Variants in CADPS2 observed in about 807,000 individuals in gnomAD.
The protein encoded by CADPS2 is calcium dependent secretion activator 2.
CADPS2 carries 93 observed loss-of-function variants against 172.5 expected under a neutral mutation model. The ratio of observed to expected loss-of-function variants is 0.54; its 90% CI spans 0.46 to 0.64. The LOEUF is 0.64. Ranked by LOEUF, CADPS2 falls within the 30% of genes least tolerant of loss-of-function variation. The probability of loss-of-function intolerance (pLI) is 0.00; values close to 1 mark genes in which losing one functional copy is unlikely to be tolerated. For missense variants in CADPS2, 1,420 were observed against 1,565.9 expected (o/e 0.91, Z 1.57); for synonymous variants, 546 against 555.2 (o/e 0.98, Z 0.23).
At chr7:122,451,794 CAACT>C (rs2152041677) in intron 14 of CADPS2, among the ~76,000 whole-genome samples, 1 of 152,150 alleles carries the variant, frequency 6.6e-6, no homozygotes, top group African/African-American at 2.4e-5. Context: ...AACATTTGAC[CAACT>C]AAGTGAAATC....
chr7:122,824,854 G>T (rs1804428854), intron 1 of CADPS2, among the ~76,000 whole-genome samples: 1 of 152,156 alleles, frequency 6.6e-6, no homozygotes, highest in African/African-American at 2.4e-5. Context: ...TATATCATGT[G>T]AGGAACACAT....
intron 14 of CADPS2, among the ~76,000 whole-genome samples, chr7:122,456,335 A>C (rs2053774321): frequency 6.6e-6 from 1 of 152,058 alleles, no homozygotes; most frequent in Non-Finnish European, 1.5e-5. Context: ...ACTTAACTCT[A>C]TGACGATAAT....
chr7:122,856,469 A>G (rs1815261322), intron 1 of CADPS2, among the ~76,000 whole-genome samples: 1 of 151,644 alleles, frequency 6.6e-6, no homozygotes, highest in South Asian at 2.1e-4. Flanking sequence ...CACCTCATTC[A>G]TGCTGTAGTT....
intron 10 of CADPS2, 100 bp downstream of exon 10, chr7:122,491,212 A>G: frequency 1.6e-6 from 1 of 632,320 alleles, no homozygotes; most frequent in Non-Finnish European, 2.6e-6. Flanking sequence ...TATGCACCCT[A>G]TTCATCGAGA....
intron 2 of CADPS2, among the ~76,000 whole-genome samples, chr7:122,704,857 C>A (rs1344456650): frequency 6.6e-6 from 1 of 152,054 alleles, no homozygotes; most frequent in Non-Finnish European, 1.5e-5. Context: ...TTAGAGAGTG[C>A]TACCAGCATC....
intron 6 of CADPS2, among the ~76,000 whole-genome samples, chr7:122,594,498 G>C (rs1447520019): frequency 6.6e-6 from 1 of 151,898 alleles, no homozygotes; most frequent in Admixed American, 6.6e-5. Context: ...AAGGCCTCCA[G>C]AATAATAGGA....
chr7:122,695,388 T>C (rs2084939749), intron 2 of CADPS2, among the ~76,000 whole-genome samples: 1 of 152,154 alleles, frequency 6.6e-6, no homozygotes, highest in South Asian at 2.1e-4. Context: ...CAAGAGAAAA[T>C]GGTATATAGC....
intron 7 of CADPS2, among the ~76,000 whole-genome samples, chr7:122,567,351 T>A (rs528099116): frequency 6.6e-6 from 1 of 152,142 alleles, no homozygotes; most frequent in African/African-American, 2.4e-5. Flanking sequence ...TTAATTTATA[T>A]GAAAAAAGGC....
intron 1 of CADPS2, among the ~76,000 whole-genome samples, chr7:122,771,278 T>G (rs1215318331): frequency 6.6e-6 from 1 of 152,156 alleles, no homozygotes; most frequent in African/African-American, 2.4e-5. Context: ...TGTAAAAGGA[T>G]TAGACTAATC....
At chr7:122,646,756 T>C (rs2078604908) in intron 3 of CADPS2, among the ~76,000 whole-genome samples, 1 of 152,088 alleles carries the variant, frequency 6.6e-6, no homozygotes, top group African/African-American at 2.4e-5. Flanking sequence ...TCAGTCATGA[T>C]GAGATCAGGA....
chr7:122,512,891 C>T (rs1450283541), intron 9 of CADPS2, among the ~76,000 whole-genome samples: 1 of 152,080 alleles, frequency 6.6e-6, no homozygotes, highest in Non-Finnish European at 1.5e-5. Flanking sequence ...CTTTTTCACA[C>T]TTTTTCTCCC....
intron 2 of CADPS2, among the ~76,000 whole-genome samples, chr7:122,690,737 A>G (rs1233821741): frequency 6.6e-6 from 1 of 152,066 alleles, no homozygotes; most frequent in Non-Finnish European, 1.5e-5. Flanking sequence ...GCCTCAATAA[A>G]CTGCCCAGCT....
At chr7:122,382,614 C>A (rs2043158015) in intron 24 of CADPS2, among the ~76,000 whole-genome samples, 1 of 151,822 alleles carries the variant, frequency 6.6e-6, no homozygotes, top group African/African-American at 2.4e-5. Flanking sequence ...GTATAACAGA[C>A]AACATTTTTG....
At chr7:122,539,435 T>C (rs2062673329) in intron 8 of CADPS2, among the ~76,000 whole-genome samples, 1 of 152,084 alleles carries the variant, frequency 6.6e-6, no homozygotes, top group South Asian at 2.1e-4. Flanking sequence ...GGTATTCCAT[T>C]AGAGCAACAC....
chr7:122,881,458 T>C (rs1039453606), intron 1 of CADPS2, among the ~76,000 whole-genome samples: 1 of 152,148 alleles, frequency 6.6e-6, no homozygotes, highest in African/African-American at 2.4e-5. Context: ...CTGTTTTAAG[T>C]CCAGTGTGAG....
chr7:122,617,437 C>T (rs545931554), intron 5 of CADPS2, among the ~76,000 whole-genome samples: 6 of 152,258 alleles, frequency 3.9e-5, no homozygotes, highest in South Asian at 2.1e-4. Context: ...GCAAAACTTG[C>T]TAATGGACCT....
chr7:122,637,182 T>C (rs927227496), intron 3 of CADPS2, among the ~76,000 whole-genome samples: 9 of 23,446 alleles, frequency 3.8e-4, no homozygotes, highest in African/African-American at 1.2e-3. Context: ...TTTTTTTTTT[T>C]TTTTTTTTTT....
intron 1 of CADPS2, among the ~76,000 whole-genome samples, chr7:122,773,163 T>C (rs1300286176): frequency 6.6e-6 from 1 of 152,006 alleles, no homozygotes; most frequent in Middle Eastern, 3.2e-3. Flanking sequence ...TTTGTATTGA[T>C]TAAATGAACA....
chr7:122,364,139 G>A (rs2040542570), intron 25 of CADPS2, among the ~76,000 whole-genome samples: 1 of 152,102 alleles, frequency 6.6e-6, no homozygotes, highest in Non-Finnish European at 1.5e-5. Flanking sequence ...GTTCAGGTGT[G>A]GTGGCTCACA....
Sources: allele counts gnomAD v4.1 joint callset (sites outside exome capture counted in the v4.1 genomes callset), GRCh38; gene constraint gnomAD v4.1.1; transcripts MANE v1.5; gene names NCBI Gene and HGNC (gene_info 2026-07-23, HGNC 2026-07-21).